Variants in B3GLCT observed in about 807,000 individuals in gnomAD.
The protein encoded by B3GLCT is beta 3-glucosyltransferase.
In B3GLCT, 65 loss-of-function variants were observed where a neutral mutation model predicts 63.4. The observed-to-expected ratio is 1.03, with a 90% CI of 0.84 to 1.26. The LOEUF (loss-of-function observed/expected upper bound fraction) is 1.26, where lower values mean the gene tolerates loss of function less well. Ranked by LOEUF, B3GLCT falls within the 50% of genes most tolerant of loss-of-function variation. The probability of loss-of-function intolerance (pLI) is 0.00; values close to 1 mark genes in which losing one functional copy is unlikely to be tolerated. For missense variants in B3GLCT, 577 were observed against 604.8 expected (o/e 0.95, Z 0.48); for synonymous variants, 233 against 219.2 (o/e 1.06, Z -0.55).
intron 6 of B3GLCT, among the ~76,000 whole-genome samples, chr13:31,254,439 A>G (rs1871615103): frequency 6.6e-6 from 1 of 152,224 alleles, no homozygotes; most frequent in Non-Finnish European, 1.5e-5. Context: ...AGATGCAGAA[A>G]AGGCCTTTGA....
rs35163232 is a variant in B3GLCT, at chr13:31,297,375, GTTT to G, written c.1064+10573_1064+10575del. On this transcript the variant is annotated intron_variant, in intron 12 of 14. Coordinates refer to ENST00000343307, the MANE Select transcript of B3GLCT (RefSeq NM_194318.4). ...CCTTGTCAACCCCATTATTTTCTGG[GTTT>G]TTTTTTTTTTTTTTTTGATAGTCGC... Among the ~76,000 whole-genome samples, 238 of 127,758 alleles carry G rather than the reference GTTT, an allele frequency of 1.9e-3. 1 individual carries two copies. Among genetic ancestry groups the G allele is most frequent in the African/African-American group, 6.5e-3 (223 of 34,286 alleles). 83.8% of individuals were successfully genotyped at this position (127,758 alleles called of 152,430 possible). A position where few individuals can be genotyped will look rare whatever the true frequency, so the allele number is the denominator to read the frequency against.
At chr13:31,203,506 G>A (rs1430246167) in intron 1 of B3GLCT, among the ~76,000 whole-genome samples, 1 of 152,206 alleles carries the variant, frequency 6.6e-6, no homozygotes, top group East Asian at 1.9e-4. Flanking sequence ...GACAAACATT[G>A]TGGGCTCGGT....
chr13:31,252,194 G>C (rs1203742599), intron 6 of B3GLCT, among the ~76,000 whole-genome samples: 4 of 152,166 alleles, frequency 2.6e-5, no homozygotes, highest in African/African-American at 9.7e-5. Context: ...CACCAGGCCT[G>C]CCCTGCAAGA....
Position 31,323,810 on chromosome 13 carries a change from G to A in B3GLCT, c.1244G>A (p.Ser415Asn), listed in dbSNP as rs1313718699. The change falls in exon 14 of 15, where the codon AGC becomes AAC. Residue 415 changes from serine (S) to asparagine (N), a missense_variant. Ser to Asn is a conservative substitution (Grantham distance 46, BLOSUM62 1). Coordinates refer to ENST00000343307, the MANE Select transcript of B3GLCT (RefSeq NM_194318.4). Reference sequence around the variant, plus strand: ...CTCGCCAGTAAATGTCGATGCTACAGCAATGATGCTCCCGATGATATGGTC... The same window carrying A: ...CTCGCCAGTAAATGTCGATGCTACAACAATGATGCTCCCGATGATATGGTC... ...RLLASKCRCY[S>N]NDAPDDMVLG... is the part of the protein sequence containing the mutation. The A allele has an allele frequency of 1.2e-6, 2 of 1,614,158 alleles. No homozygotes were observed. Among genetic ancestry groups the A allele is most frequent in the East Asian group, 2.2e-5 (1 of 44,886 alleles).
intron 12 of B3GLCT, among the ~76,000 whole-genome samples, chr13:31,298,269 C>T (rs139945321): frequency 2.6e-5 from 4 of 152,330 alleles, no homozygotes; most frequent in African/African-American, 9.6e-5. Context: ...CATAATATCA[C>T]AGCCTACCCT....
At chr13:31,282,480 A>C (rs557623995) in intron 10 of B3GLCT, among the ~76,000 whole-genome samples, 1 of 152,068 alleles carries the variant, frequency 6.6e-6, no homozygotes, top group South Asian at 2.1e-4. Flanking sequence ...TCTACTAAAA[A>C]ATACAAAAAA....
intron 6 of B3GLCT, 84 bp downstream of exon 6, chr13:31,248,050 C>A: frequency 1.3e-6 from 1 of 780,190 alleles, no homozygotes; most frequent in Non-Finnish European, 2.2e-6. Context: ...GCTTTTGAAT[C>A]TAATAAAAAA....
rs1057492634 is a variant in B3GLCT at position 31,326,947 on chromosome 13, T to A, written c.1330-2554T>A. ...TTAATAGAGTGGAAAATGTTATGGT[T>A]TATTTTTTTTCCTGTTAGATGCATT... On this transcript the variant is annotated intron_variant, in intron 14 of 14. Coordinates refer to ENST00000343307, the MANE Select transcript of B3GLCT (RefSeq NM_194318.4). 4.6e-5 allele frequency among the ~76,000 whole-genome samples: 7 copies of A among 152,288 alleles called. No individual in the cohort carries two copies. In the South Asian group the frequency reaches 8.3e-4, roughly 18 times the overall value.
At chr13:31,278,308 T>C (rs1201174667) in intron 10 of B3GLCT, among the ~76,000 whole-genome samples, 1 of 152,238 alleles carries the variant, frequency 6.6e-6, no homozygotes, top group African/African-American at 2.4e-5. Context: ...TTAGTAATTT[T>C]GAATAATCTA....
At chr13:31,322,479 C>G (rs1327131050) in intron 13 of B3GLCT, among the ~76,000 whole-genome samples, 1 of 152,164 alleles carries the variant, frequency 6.6e-6, no homozygotes, top group Non-Finnish European at 1.5e-5. Context: ...TAGTTGGTGG[C>G]CAGAGCAGAC....
chr13:31,224,621 C>T (rs1869998207), intron 3 of B3GLCT, among the ~76,000 whole-genome samples: 1 of 151,936 alleles, frequency 6.6e-6, no homozygotes, highest in South Asian at 2.1e-4. Context: ...CCTCCATGCA[C>T]GGGATGCTGT....
chr13:31,286,734 A>T lies in B3GLCT; in HGVS notation c.979A>T (p.Thr327Ser), dbSNP rs1873352502. The T allele has an allele frequency of 6.2e-7, 1 of 1,611,828 alleles. No homozygotes were observed. The highest frequency in any genetic ancestry group is 1.7e-5 in the Admixed American group (1 of 59,962). The change falls in exon 12 of 15, where the codon ACA (threonine) becomes TCA (serine). Residue 327 changes from threonine (T) to serine (S), a missense_variant. By Grantham distance (58) the Thr-to-Ser change is moderately conservative. Coordinates refer to ENST00000343307, the MANE Select transcript of B3GLCT (RefSeq NM_194318.4). Reference sequence around the variant, plus strand: ...GCCTTTTCTAGGTCATTGTGGAAAGACATTTGCCATTTTGGAAAGATTTCT... The same window carrying T: ...GCCTTTTCTAGGTCATTGTGGAAAGTCATTTGCCATTTTGGAAAGATTTCT... ...PNTDRGHCGK[T>S]FAILERFLNR...
At chr13:31,211,924 T>C (rs956048033) in intron 1 of B3GLCT, among the ~76,000 whole-genome samples, 2 of 152,230 alleles carry the variant, frequency 1.3e-5, no homozygotes, top group Non-Finnish European at 2.9e-5. Context: ...ATGCACTTTG[T>C]TGTCATATAG....
At chr13:31,206,566 C>T (rs2137730167) in intron 1 of B3GLCT, among the ~76,000 whole-genome samples, 1 of 145,066 alleles carries the variant, frequency 6.9e-6, no homozygotes, top group East Asian at 2.0e-4. Context: ...TAGTGAAACC[C>T]TGTCTCTACT....
At chr13:31,254,091 C>G (rs979148222) in intron 6 of B3GLCT, among the ~76,000 whole-genome samples, 2 of 152,162 alleles carry the variant, frequency 1.3e-5, no homozygotes, top group African/African-American at 4.8e-5. Context: ...TGAATTCTAC[C>G]AGAGTTACAA....
chr13:31,323,746 A>T lies in B3GLCT; in HGVS notation c.1185-5A>T. 1 of 1,614,030 alleles carries T rather than the reference A, an allele frequency of 6.2e-7. No individual in the cohort carries two copies. The highest frequency in any genetic ancestry group is 8.5e-7 in the Non-Finnish European group (1 of 1,179,978). On this transcript the variant is annotated splice_polypyrimidine_tract_variant and splice_region_variant and intron_variant, in intron 13 of 14. Coordinates refer to ENST00000343307, the MANE Select transcript of B3GLCT (RefSeq NM_194318.4). Reference sequence around the variant, plus strand: ...AACCCCTTTCTCTGCTCTGGCTCCCACTAGAATGGTCTTCAGCAGAGAAGC... The same window carrying T: ...AACCCCTTTCTCTGCTCTGGCTCCCTCTAGAATGGTCTTCAGCAGAGAAGC...
chr13:31,202,864 AAGAT>A (rs1380607919), intron 1 of B3GLCT, among the ~76,000 whole-genome samples: 2 of 152,170 alleles, frequency 1.3e-5, no homozygotes, highest in East Asian at 1.9e-4. Flanking sequence ...GTAGAAGAGA[AAGAT>A]AGAAGAAGCC....
chr13:31,207,937 A>G lies in B3GLCT; in HGVS notation c.71-7114A>G, dbSNP rs925750012. Among the ~76,000 whole-genome samples the G allele has an allele frequency of 2.6e-5, 4 of 152,202 alleles. No individual in the cohort carries two copies. The South Asian group carries it at 8.3e-4, about 32-fold the overall frequency. The stretch of plus-strand genomic sequence containing the variant: ...CAATAGGTTTTACCATAGGCCAGGT[A>G]CTGTTTTGAACCTGAACATACATGA... On this transcript the variant is annotated intron_variant, in intron 1 of 14. Coordinates refer to ENST00000343307, the MANE Select transcript of B3GLCT (RefSeq NM_194318.4).
chr13:31,203,353 T>C (rs1304999889), intron 1 of B3GLCT, among the ~76,000 whole-genome samples: 1 of 152,172 alleles, frequency 6.6e-6, no homozygotes, highest in Non-Finnish European at 1.5e-5. Flanking sequence ...CGAGTTGGCA[T>C]GGCTCCCCAG....
Sources: allele counts gnomAD v4.1 joint callset (sites outside exome capture counted in the v4.1 genomes callset), GRCh38; gene constraint gnomAD v4.1.1; transcripts MANE v1.5; gene names NCBI Gene and HGNC (gene_info 2026-07-23, HGNC 2026-07-21).